The following HYCC1 variants were observed in gnomAD, a reference collection of about 807,000 sequenced individuals.
HYCC1 encodes hyccin.
chr7:22,912,065 G>T, the HYCC1 span, among the ~76,000 whole-genome samples: 1 of 152,112 alleles, frequency 6.6e-6, no homozygotes, highest in Non-Finnish European at 1.5e-5. Context: ...TTCCACTTCT[G>T]GTATGGCAGC....
the HYCC1 span, among the ~76,000 whole-genome samples, chr7:23,006,942 CAT>C: frequency 1.3e-5 from 2 of 152,310 alleles, no homozygotes; most frequent in Non-Finnish European, 2.9e-5. Context: ...GTACACTTAA[CAT>C]AACATTCTTA....
At chr7:22,962,014 TGCAA>T in the HYCC1 span, among the ~76,000 whole-genome samples, 1 of 151,786 alleles carries the variant, frequency 6.6e-6, no homozygotes, top group Non-Finnish European at 1.5e-5. Flanking sequence ...ACATCAAGAG[TGCAA>T]GCGAGGCCTA....
chr7:23,013,243 A>C, the HYCC1 span, among the ~76,000 whole-genome samples: 1 of 152,214 alleles, frequency 6.6e-6, no homozygotes, highest in African/African-American at 2.4e-5. Flanking sequence ...GGAGAGGAAT[A>C]ACTCATAGAA....
chr7:22,979,506 G>T, the HYCC1 span, among the ~76,000 whole-genome samples: 4 of 152,260 alleles, frequency 2.6e-5, no homozygotes, highest in African/African-American at 9.6e-5. Context: ...AGTTTTTAGC[G>T]TAGGAATTTG....
At chr7:22,964,826 T>G in the HYCC1 span, among the ~76,000 whole-genome samples, 1 of 152,160 alleles carries the variant, frequency 6.6e-6, no homozygotes, top group Admixed American at 6.5e-5. Context: ...TGGGTACTGC[T>G]AAACCTACTA....
chr7:22,898,283 G>A, the HYCC1 span, among the ~76,000 whole-genome samples: 3 of 151,728 alleles, frequency 2.0e-5, no homozygotes, highest in African/African-American at 7.3e-5. Context: ...GCGCGATCTC[G>A]GCTCACTGGA....
chr7:22,996,597 TAAAA>T, the HYCC1 span, among the ~76,000 whole-genome samples: 39 of 106,530 alleles, frequency 3.7e-4, no homozygotes, highest in South Asian at 6.1e-4. Flanking sequence ...GTACAATTGT[TAAAA>T]AAAAAAAAAA....
the HYCC1 span, among the ~76,000 whole-genome samples, chr7:23,002,154 A>ATATATATACACAAT: frequency 8.8e-5 from 6 of 68,524 alleles, no homozygotes; most frequent in African/African-American, 7.0e-4. Flanking sequence ...ATATATATAT[A>ATATATATACACAAT]TATATATATA....
chr7:23,002,160 A>AAT, the HYCC1 span, among the ~76,000 whole-genome samples: 289 of 68,180 alleles, frequency 4.2e-3, 3 homozygotes, highest in African/African-American at 0.016. Context: ...ATATATATAT[A>AAT]TATATATATA....
chr7:23,000,493 T>G, the HYCC1 span, among the ~76,000 whole-genome samples: 2 of 152,152 alleles, frequency 1.3e-5, no homozygotes, highest in Admixed American at 6.6e-5. Context: ...CCATTTATAT[T>G]TTGATTTTAA....
At chr7:23,004,460 T>G in the HYCC1 span, among the ~76,000 whole-genome samples, 1 of 152,216 alleles carries the variant, frequency 6.6e-6, no homozygotes, top group South Asian at 2.1e-4. Context: ...AATTACCATC[T>G]TGTGACTAGC....
the HYCC1 span, among the ~76,000 whole-genome samples, chr7:22,920,218 A>T: frequency 1.6e-4 from 24 of 152,144 alleles, no homozygotes; most frequent in Non-Finnish European, 2.9e-5. Flanking sequence ...ATGGTGGCAT[A>T]TACCTGTAGT....
the HYCC1 span, among the ~76,000 whole-genome samples, chr7:22,959,536 T>C: frequency 6.6e-6 from 1 of 152,148 alleles, no homozygotes; most frequent in East Asian, 1.9e-4. Flanking sequence ...AAGGTGATAA[T>C]TTCCTTCTTA....
chr7:22,993,865 T>C, the HYCC1 span, among the ~76,000 whole-genome samples: 1 of 152,194 alleles, frequency 6.6e-6, no homozygotes, highest in Non-Finnish European at 1.5e-5. Context: ...CTTGAGGATA[T>C]ATACATATAC....
the HYCC1 span, chr7:22,978,579 A>G: frequency 1.3e-6 from 1 of 757,524 alleles, no homozygotes; most frequent in African/African-American, 1.8e-5. Context: ...GCTAAGTTGT[A>G]GGGAGTTTCT....
At chr7:22,928,368 C>T in the HYCC1 span, among the ~76,000 whole-genome samples, 2 of 151,988 alleles carry the variant, frequency 1.3e-5, no homozygotes, top group Non-Finnish European at 1.5e-5. Flanking sequence ...ATAAAGGGCA[C>T]TCAATTAGGA....
the HYCC1 span, chr7:22,984,062 A>C: frequency 7.0e-7 from 1 of 1,436,646 alleles, no homozygotes; most frequent in African/African-American, 1.4e-5. Context: ...AAATTTAAAA[A>C]AATACATTTT....
the HYCC1 span, chr7:22,943,069 A>G: frequency 3.9e-4 from 59 of 152,236 alleles, no homozygotes; most frequent in African/African-American, 1.3e-3. Flanking sequence ...AAAGGGTGGC[A>G]CCCCTTTTCA....
the HYCC1 span, among the ~76,000 whole-genome samples, chr7:22,988,432 AAT>A: frequency 1.3e-5 from 2 of 152,176 alleles, no homozygotes; most frequent in African/African-American, 4.8e-5. Context: ...TTACCCACAT[AAT>A]ATGTTATATT....
Sources: gnomAD v4.1 joint callset for allele counts (sites outside exome capture counted in the v4.1 genomes callset) on GRCh38, gnomAD v4.1.1 for gene constraint, MANE v1.5 for transcripts, NCBI Gene and HGNC (gene_info 2026-07-23, HGNC 2026-07-21) for gene names.